TRABD2B: variants seen among roughly 807,000 people sequenced by gnomAD.
TRABD2B encodes the protein metalloprotease TIKI2.
Under a neutral mutation model 40.1 loss-of-function variants are expected in TRABD2B, and 14 were observed. The ratio of observed to expected loss-of-function variants is 0.35; its 90% CI spans 0.23 to 0.55. The LOEUF is 0.55. Among genes scored for constraint, TRABD2B ranks in the 20% least tolerant of loss-of-function variants. The pLI is 0.90. For missense variants in TRABD2B, 541 were observed against 648.6 expected (o/e 0.83, Z 1.80); for synonymous variants, 263 against 277.0 (o/e 0.95, Z 0.50).
chr1:47,841,740 C>T (rs1315958564), intron 2 of TRABD2B, among the ~76,000 whole-genome samples: 1 of 151,574 alleles, frequency 6.6e-6, no homozygotes, highest in Non-Finnish European at 1.5e-5. Flanking sequence ...TCTTTCTGGA[C>T]AGGTCTTGCA....
intron 2 of TRABD2B, among the ~76,000 whole-genome samples, chr1:47,837,787 T>C (rs1008366059): frequency 1.3e-5 from 2 of 152,240 alleles, no homozygotes; most frequent in Admixed American, 6.5e-5. Context: ...GAATGTAGCC[T>C]GCTATGGGCC....
At chr1:47,798,085 G>A (rs1375363916) in intron 3 of TRABD2B, among the ~76,000 whole-genome samples, 2 of 152,168 alleles carry the variant, frequency 1.3e-5, no homozygotes, top group Admixed American at 1.3e-4. Context: ...GGGCCTGAGA[G>A]CTTCCTCAGA....
chr1:47,981,868 T>TG (rs1645845567), intron 2 of TRABD2B, among the ~76,000 whole-genome samples: 1 of 152,198 alleles, frequency 6.6e-6, no homozygotes, highest in African/African-American at 2.4e-5. Context: ...CCAAGAGCTG[T>TG]AAGCTGTTGC....
chr1:47,808,224 C>T (rs1179890736), intron 2 of TRABD2B, among the ~76,000 whole-genome samples: 1 of 152,182 alleles, frequency 6.6e-6, no homozygotes, highest in Non-Finnish European at 1.5e-5. Flanking sequence ...TCAACTCTTC[C>T]CTGGATTTCC....
intron 2 of TRABD2B, among the ~76,000 whole-genome samples, chr1:47,954,473 G>A (rs991100477): frequency 6.6e-6 from 1 of 152,186 alleles, no homozygotes; most frequent in Non-Finnish European, 1.5e-5. Flanking sequence ...AATAAAGCAG[G>A]TGACTGCAAT....
Position 47,996,800 on chromosome 1 carries a change from C to A in TRABD2B, c.-11G>T, listed in dbSNP as rs942037993. On this transcript the variant is annotated 5_prime_UTR_variant, in exon 1 of 7. Coordinates refer to ENST00000606738, the MANE Select transcript of TRABD2B (RefSeq NM_001194986.2). This position sits in a 1 kb window ranked among gnomAD's most constrained non-coding sequence, Gnocchi z 4.6. Reference sequence around the variant, plus strand: ...CAGGGCGGCGTGCATCCTGCCAGGGCCCGCGGGGCGCGGGGGACCCTCCTG... The same window carrying A: ...CAGGGCGGCGTGCATCCTGCCAGGGACCGCGGGGCGCGGGGGACCCTCCTG... The A allele has an allele frequency of 8.4e-7, 1 of 1,191,434 alleles. No individual in the cohort carries two copies. The highest frequency in any genetic ancestry group is 1.0e-6 in the Non-Finnish European group (1 of 961,794). The allele number at this position is 1,191,434 out of a possible 1,614,324, so 73.8% of individuals were successfully genotyped here. A position where few individuals can be genotyped will look rare whatever the true frequency, so the allele number is the denominator to read the frequency against.
chr1:47,809,529 G>A (rs1322880586), intron 2 of TRABD2B, among the ~76,000 whole-genome samples: 3 of 152,196 alleles, frequency 2.0e-5, no homozygotes, highest in Admixed American at 1.3e-4. Context: ...GCACTGGGTA[G>A]GGGTGGAGGA....
At chr1:47,851,105 G>A (rs1645544428) in intron 2 of TRABD2B, among the ~76,000 whole-genome samples, 1 of 152,132 alleles carries the variant, frequency 6.6e-6, no homozygotes, top group African/African-American at 2.4e-5. Context: ...AGACCAGGTG[G>A]TGGAGACCCC....
At chr1:47,922,931 C>T (rs1644920806) in intron 2 of TRABD2B, among the ~76,000 whole-genome samples, 1 of 152,346 alleles carries the variant, frequency 6.6e-6, no homozygotes, top group African/African-American at 2.4e-5. Flanking sequence ...GTGAAAGATC[C>T]TGAATGGCCT....
rs552370320 is a variant in TRABD2B, at chr1:47,892,902, T to C, written c.667-91283A>G. Among the ~76,000 whole-genome samples, 19 of 152,282 alleles carry C rather than the reference T, an allele frequency of 1.2e-4. No individual in the cohort carries two copies. The South Asian group carries it at 3.9e-3, about 32-fold the overall frequency. ...TCTCCAGTTTTAGAGCCTTGGGAAG[T>C]GCAGTCTGACATGCAAAGCTTTTAA... On this transcript the variant is annotated intron_variant, in intron 2 of 6. Coordinates refer to ENST00000606738, the MANE Select transcript of TRABD2B (RefSeq NM_001194986.2).
At chr1:47,973,288 T>A (rs1374087337) in intron 2 of TRABD2B, among the ~76,000 whole-genome samples, 3 of 152,146 alleles carry the variant, frequency 2.0e-5, no homozygotes, top group African/African-American at 7.2e-5. Context: ...GCACTTTACA[T>A]CCAGGGTCCC....
intron 2 of TRABD2B, among the ~76,000 whole-genome samples, chr1:47,947,497 T>C (rs1366386578): frequency 6.6e-6 from 1 of 152,110 alleles, no homozygotes; most frequent in Non-Finnish European, 1.5e-5. Flanking sequence ...AACTGAGGCA[T>C]AAACAGAGAG....
intron 2 of TRABD2B, among the ~76,000 whole-genome samples, chr1:47,810,723 G>T (rs1379959842): frequency 6.6e-6 from 1 of 152,188 alleles, no homozygotes; most frequent in Non-Finnish European, 1.5e-5. Flanking sequence ...AGGCAGCAGG[G>T]AGTAGCTGCA....
intron 2 of TRABD2B, among the ~76,000 whole-genome samples, chr1:47,840,587 G>C (rs1645383024): frequency 1.3e-5 from 2 of 152,158 alleles, no homozygotes; most frequent in South Asian, 4.1e-4. Flanking sequence ...CTGTCTTCAG[G>C]GTGGCCCTGG....
chr1:47,870,704 G>C (rs1034276611), intron 2 of TRABD2B, among the ~76,000 whole-genome samples: 1 of 152,156 alleles, frequency 6.6e-6, no homozygotes, highest in African/African-American at 2.4e-5. Flanking sequence ...GGTCTAGTGT[G>C]GGACACAGAC....
chr1:47,886,075 T>G (rs750538569), intron 2 of TRABD2B, among the ~76,000 whole-genome samples: 3 of 152,210 alleles, frequency 2.0e-5, no homozygotes, highest in Non-Finnish European at 4.4e-5. Flanking sequence ...TTCACTGAGA[T>G]GGATACTAAT....
At chr1:47,789,147 T>C (rs1644636706) in intron 4 of TRABD2B, among the ~76,000 whole-genome samples, 1 of 152,208 alleles carries the variant, frequency 6.6e-6, no homozygotes, top group South Asian at 2.1e-4. Flanking sequence ...CTGAGGCGTA[T>C]GTGCCCTGTC....
intron 2 of TRABD2B, among the ~76,000 whole-genome samples, chr1:47,841,133 C>T (rs566017771): frequency 6.6e-6 from 1 of 152,296 alleles, no homozygotes; most frequent in Admixed American, 6.5e-5. Context: ...CTGCTTAACT[C>T]CTTAACTCAT....
chr1:47,924,192 G>A (rs1644941870), intron 2 of TRABD2B, among the ~76,000 whole-genome samples: 1 of 152,174 alleles, frequency 6.6e-6, no homozygotes, highest in African/African-American at 2.4e-5. Context: ...TCCCACAGGT[G>A]GAAAGGGAGT....
Sources: allele counts gnomAD v4.1 joint callset (sites outside exome capture counted in the v4.1 genomes callset), GRCh38; gene constraint gnomAD v4.1.1; non-coding constraint Gnocchi (gnomAD v3.1); transcripts MANE v1.5; gene names NCBI Gene and HGNC (gene_info 2026-07-23, HGNC 2026-07-21).